USP32: variants seen among roughly 807,000 people sequenced by gnomAD.
The protein encoded by USP32 is ubiquitin specific peptidase 32, also known as ubiquitin carboxyl-terminal hydrolase 32.
A neutral mutation model predicts 204.8 loss-of-function variants in USP32; 59 were observed. The observed-to-expected ratio is 0.29, with a 90% confidence interval of 0.23 to 0.36. USP32 has a LOEUF of 0.36. Among genes scored for constraint, USP32 ranks in the 10% least tolerant of loss-of-function variants. The probability of loss-of-function intolerance (pLI) is 1.00; values close to 1 mark genes in which losing one functional copy is unlikely to be tolerated. For synonymous variants in USP32, 517 were observed against 678.4 expected, an observed-to-expected ratio of 0.76 and a Z score of 3.70; for missense variants, 1,160 against 1,946.4, an observed-to-expected ratio of 0.60 and a Z score of 7.60.
At chr17:60,358,490 A>C (rs931977652) in intron 1 of USP32, among the ~76,000 whole-genome samples, 14 of 152,046 alleles carry the variant, frequency 9.2e-5, no homozygotes, top group Admixed American at 7.2e-4. Context: ...TGGGAGAATC[A>C]TTGAACCCAG....
At chr17:60,325,142 G>A (rs9911817) in intron 2 of USP32, among the ~76,000 whole-genome samples, 3,204 of 152,276 alleles carry the variant, frequency 0.021, 104 homozygotes, top group African/African-American at 0.072. Context: ...TAGCTGCCAC[G>A]GTGGCTCACA....
intron 8 of USP32, 143 bp downstream of exon 8, chr17:60,265,833 A>G (rs963593130): frequency 8.1e-6 from 5 of 618,230 alleles, no homozygotes; most frequent in Non-Finnish European, 1.1e-5. Flanking sequence ...CCAATTTTGC[A>G]TCTTCAGCTA....
chr17:60,382,062 T>C (rs2089655422), intron 1 of USP32, among the ~76,000 whole-genome samples: 1 of 152,266 alleles, frequency 6.6e-6, no homozygotes, highest in African/African-American at 2.4e-5. Flanking sequence ...TGACAAGATT[T>C]AGTGTCTTGA....
chr17:60,309,744 A>T (rs943150814), intron 2 of USP32, among the ~76,000 whole-genome samples: 1 of 152,182 alleles, frequency 6.6e-6, no homozygotes, highest in African/African-American at 2.4e-5. Flanking sequence ...AATCTCACCC[A>T]TTATATCGAA....
chr17:60,371,653 A>T (rs61461923), intron 1 of USP32, among the ~76,000 whole-genome samples: 3,273 of 152,266 alleles, frequency 0.021, 139 homozygotes, highest in African/African-American at 0.075. Context: ...TAGTCAAGGA[A>T]ATGCAGATTA....
Position 60,251,706 on chromosome 17 carries a change from C to T in USP32, c.1136+675G>A, listed in dbSNP as rs181650190. Among the ~76,000 whole-genome samples, 8 of 151,960 alleles carry T rather than the reference C, an allele frequency of 5.3e-5. No homozygotes were observed. The East Asian group carries it at 1.2e-3, about 22-fold the overall frequency. On this transcript the variant is annotated intron_variant, in intron 11 of 33. Coordinates refer to ENST00000300896, the MANE Select transcript of USP32 (RefSeq NM_032582.4). ...ATACCTTTGTTTTTTAAATATAATC[C>T]GGATATTTGATCTTAAGTAATTTAT...
intron 14 of USP32, 134 bp from the exon 15 acceptor site, chr17:60,222,683 T>TA (rs1391423898): frequency 1.7e-5 from 14 of 841,252 alleles, no homozygotes; most frequent in Admixed American, 1.5e-4. Context: ...CTTAATTTTT[T>TA]TTTTTTTTTT....
intron 5 of USP32, among the ~76,000 whole-genome samples, chr17:60,276,966 T>TATATATATATATATATATATAA (rs60544670): frequency 3.3e-5 from 5 of 149,812 alleles, no homozygotes; most frequent in African/African-American, 1.2e-4. Flanking sequence ...TATATATATA[T>TATATATATATATATATATATAA]AAAATTACCA....
chr17:60,422,404 C>A, exon 1 of USP32: 9 of 1,428,424 alleles, frequency 6.3e-6, no homozygotes, highest in Non-Finnish European at 7.5e-6. Context: ...CTGCAGCCAC[C>A]CCTAAGAATG....
intron 10 of USP32, 106 bp downstream of exon 10, chr17:60,255,069 A>C: frequency 1.7e-6 from 1 of 572,076 alleles, no homozygotes; most frequent in Non-Finnish European, 2.8e-6. Context: ...TTTTTAATAT[A>C]TGGTTTTGCA....
chr17:60,345,711 G>C, intron 1 of USP32, 103 bp from the exon 2 acceptor site: 1 of 1,456,960 alleles, frequency 6.9e-7, no homozygotes, highest in Non-Finnish European at 9.5e-7. Flanking sequence ...GCTAGGCACA[G>C]TGGCTCACGC....
Position 60,266,111 on chromosome 17 carries a change from A to G in USP32, c.812-20T>C, listed in dbSNP as rs780172569. On this transcript the variant is annotated intron_variant, in intron 7 of 33. Transcript: ENST00000300896. ...AGCAAACTAATGAAAAGAAACTCTT[A>G]TGGAGGAAAATCATTTTTGTATTCT... The G allele has an allele frequency of 1.3e-6, 2 of 1,574,348 alleles. No homozygotes were observed. The highest frequency in any genetic ancestry group is 2.2e-5 in the South Asian group (2 of 89,846).
intron 3 of USP32, among the ~76,000 whole-genome samples, chr17:60,300,774 A>C (rs866432520): frequency 2.0e-5 from 3 of 152,192 alleles, no homozygotes; most frequent in Non-Finnish European, 4.4e-5. Flanking sequence ...TGCAACTGTC[A>C]CTCCTATGTA....
At chr17:60,189,318 G>C (rs2084321601) in intron 29 of USP32, among the ~76,000 whole-genome samples, 1 of 152,178 alleles carries the variant, frequency 6.6e-6, no homozygotes, top group African/African-American at 2.4e-5. Context: ...TAAGAAACTA[G>C]GTCTAGAATT....
chr17:60,278,490 C>T (rs2086891814), intron 5 of USP32, among the ~76,000 whole-genome samples: 1 of 151,496 alleles, frequency 6.6e-6, no homozygotes, highest in South Asian at 2.1e-4. Context: ...AGGAGTGTGG[C>T]AGAAGGAAAT....
intron 5 of USP32, among the ~76,000 whole-genome samples, chr17:60,279,067 T>C (rs181489734): frequency 6.6e-6 from 1 of 152,310 alleles, no homozygotes; most frequent in East Asian, 1.9e-4. Context: ...TATTTCAAAC[T>C]TTTAATTACA....
chr17:60,233,698 A>T (rs2085634730), intron 12 of USP32, among the ~76,000 whole-genome samples: 1 of 152,204 alleles, frequency 6.6e-6, no homozygotes, highest in Non-Finnish European at 1.5e-5. Context: ...TCTAATTAAA[A>T]CATGTTCAGA....
At chr17:60,232,168 CTTTT>C (rs58707657) in intron 12 of USP32, among the ~76,000 whole-genome samples, 1 of 109,534 alleles carries the variant, frequency 9.1e-6, no homozygotes. Context: ...TTTTCTTTTT[CTTTT>C]TTTTTTTTTT....
At chr17:60,189,952 T>C (rs529783184) in intron 29 of USP32, among the ~76,000 whole-genome samples, 11 of 152,348 alleles carry the variant, frequency 7.2e-5, no homozygotes, top group African/African-American at 2.6e-4. Context: ...AGTTTGGACA[T>C]GGTTTATTTG....
Sources: gnomAD v4.1 joint callset for allele counts (sites outside exome capture counted in the v4.1 genomes callset) on GRCh38, gnomAD v4.1.1 for gene constraint, MANE v1.5 for transcripts, NCBI Gene and HGNC (gene_info 2026-07-23, HGNC 2026-07-21) for gene names.